ANKIB1: variants seen among roughly 807,000 people sequenced by gnomAD.
ANKIB1 encodes the protein ankyrin repeat and IBR domain containing 1.
ANKIB1 carries 43 observed loss-of-function variants against 122.1 expected under a neutral mutation model. That is an observed-to-expected ratio of 0.35 (90% confidence interval 0.28 to 0.45). The LOEUF (loss-of-function observed/expected upper bound fraction) is 0.45, where lower values mean the gene tolerates loss of function less well. Ranked by LOEUF, ANKIB1 falls within the 20% of genes least tolerant of loss-of-function variation. ANKIB1 has a pLI of 1.00. For synonymous variants in ANKIB1, 390 were observed against 442.0 expected (o/e 0.88, Z 1.48); for missense variants, 992 against 1,329.5 (o/e 0.75, Z 3.95).
intron 4 of ANKIB1, among the ~76,000 whole-genome samples, chr7:92,322,088 CT>C (rs1802924681): frequency 6.6e-6 from 1 of 152,154 alleles, no homozygotes; most frequent in Non-Finnish European, 1.5e-5. Context: ...ATATTGCCTC[CT>C]TTTTGACAAT....
Position 92,352,662 on chromosome 7 carries a change from G to A in ANKIB1, c.1397+20G>A. On this transcript the variant is annotated intron_variant, in intron 9 of 19. Coordinates refer to ENST00000265742, the MANE Select transcript of ANKIB1 (RefSeq NM_019004.2). Reference sequence around the variant, plus strand: ...CTGCTGGTTAGTATAAGACAAGTTGGAATCAGCCTAATCACCTTTCTTTCC... The same window carrying A: ...CTGCTGGTTAGTATAAGACAAGTTGAAATCAGCCTAATCACCTTTCTTTCC... 1 of 1,583,568 alleles carries A rather than the reference G, an allele frequency of 6.3e-7. No homozygotes were observed. Among genetic ancestry groups the A allele is most frequent in the Non-Finnish European group, 8.5e-7 (1 of 1,170,134 alleles).
intron 11 of ANKIB1, among the ~76,000 whole-genome samples, chr7:92,374,821 CA>C (rs2115652640): frequency 6.7e-6 from 1 of 149,234 alleles, no homozygotes; most frequent in African/African-American, 2.5e-5. Context: ...TAAATAAATC[CA>C]AAAAGTGATT....
intron 6 of ANKIB1, 130 bp from the exon 7 acceptor site, chr7:92,344,848 G>C: frequency 3.2e-6 from 2 of 629,398 alleles, no homozygotes; most frequent in Non-Finnish European, 5.5e-6. Flanking sequence ...TTAAAACTTT[G>C]AAAGAGGTAA....
intron 1 of ANKIB1, among the ~76,000 whole-genome samples, chr7:92,282,681 G>A: frequency 6.6e-6 from 1 of 152,192 alleles, no homozygotes; most frequent in South Asian, 2.1e-4. Flanking sequence ...TTCAGTCACT[G>A]TATAAAATCC....
At chr7:92,253,410 G>A (rs1031028371) in intron 1 of ANKIB1, among the ~76,000 whole-genome samples, 1 of 152,148 alleles carries the variant, frequency 6.6e-6, no homozygotes, top group Non-Finnish European at 1.5e-5. Context: ...CCTTCACTGG[G>A]CCTATGACTC....
At chr7:92,391,062 A>T in intron 15 of ANKIB1, 104 bp from the exon 16 acceptor site, 1 of 912,146 alleles carries the variant, frequency 1.1e-6, no homozygotes, top group Non-Finnish European at 1.5e-6. Flanking sequence ...CTAGTTTCTT[A>T]CTTCAAAAGA....
intron 9 of ANKIB1, among the ~76,000 whole-genome samples, chr7:92,353,908 T>C (rs1333822764): frequency 1.3e-5 from 2 of 152,150 alleles, no homozygotes; most frequent in East Asian, 1.9e-4. Flanking sequence ...AGAGGATTAG[T>C]TGGAGAAGCT....
chr7:92,298,951 A>T (rs1020379617), intron 2 of ANKIB1, among the ~76,000 whole-genome samples: 2 of 152,190 alleles, frequency 1.3e-5, no homozygotes, highest in Non-Finnish European at 2.9e-5. Flanking sequence ...GAGGAAGCAC[A>T]CCTGTGCTGT....
intron 9 of ANKIB1, among the ~76,000 whole-genome samples, chr7:92,358,189 CAG>C (rs1402795959): frequency 2.6e-5 from 4 of 152,146 alleles, no homozygotes; most frequent in Non-Finnish European, 4.4e-5. Context: ...TTACAGTGAG[CAG>C]AGATCGTGCC....
chr7:92,337,654 T>C (rs1453079809), intron 5 of ANKIB1, among the ~76,000 whole-genome samples: 1 of 152,172 alleles, frequency 6.6e-6, no homozygotes, highest in African/African-American at 2.4e-5. Context: ...AACTTAACTT[T>C]CAGGATTCTC....
At chr7:92,387,612 G>A (rs1220985563) in intron 12 of ANKIB1, among the ~76,000 whole-genome samples, 186 bp from the exon 13 acceptor site, 1 of 151,696 alleles carries the variant, frequency 6.6e-6, no homozygotes, top group Non-Finnish European at 1.5e-5. Flanking sequence ...CTCCAGCCTG[G>A]GAGACACAGC....
At chr7:92,383,181 A>G (rs1342585610) in intron 11 of ANKIB1, among the ~76,000 whole-genome samples, 2 of 152,214 alleles carry the variant, frequency 1.3e-5, no homozygotes, top group South Asian at 2.1e-4. Flanking sequence ...CCCTCCCAAG[A>G]CTAAACCAGG....
At chr7:92,294,407 A>C (rs1358992035) in intron 1 of ANKIB1, 1 of 152,592 alleles carries the variant, frequency 6.6e-6, no homozygotes, top group Non-Finnish European at 1.5e-5. Flanking sequence ...TGATGTCCTC[A>C]TAAAGTACTG....
chr7:92,371,782 A>C (rs1562795479), intron 11 of ANKIB1, among the ~76,000 whole-genome samples, 175 bp downstream of exon 11: 1 of 152,162 alleles, frequency 6.6e-6, no homozygotes, highest in Non-Finnish European at 1.5e-5. Context: ...GTTCAAGACC[A>C]GCCTGGGCAA....
chr7:92,371,950 G>GGTGTGTGTGTGTGTGTGTGTGT, intron 11 of ANKIB1, among the ~76,000 whole-genome samples: 1 of 118,148 alleles, frequency 8.5e-6, no homozygotes, highest in Non-Finnish European at 1.7e-5. Context: ...TTGAGAGAGG[G>GGTGTGTGTGTGTGTGTGTGTGT]GTGTGTGTGT....
In ANKIB1 at chr7:92,362,241, T is replaced by C; in HGVS notation, c.1454T>C (p.Leu485Pro). ...PCDCQTWKNW[L>P]QKITEMKPEE... ...GACTGCCAAACATGGAAGAATTGGC[T>C]GCAAAAAATAACCGAAATGAAACCA... The change falls in exon 10 of 20, where the codon CTG becomes CCG. Residue 485 changes from leucine to proline, a missense_variant. Transcript: ENST00000265742. 6.3e-7 allele frequency: 1 copy of C among 1,598,830 alleles called. No individual in the cohort carries two copies. The highest frequency in any genetic ancestry group is 1.1e-5 in the South Asian group (1 of 87,822).
At chr7:92,360,470 C>T (rs952445377) in intron 9 of ANKIB1, among the ~76,000 whole-genome samples, 1 of 152,040 alleles carries the variant, frequency 6.6e-6, no homozygotes, top group African/African-American at 2.4e-5. Context: ...GTGTATACTG[C>T]ACAATTTGTT....
chr7:92,265,660 C>T (rs747045998), intron 1 of ANKIB1, among the ~76,000 whole-genome samples: 1 of 152,140 alleles, frequency 6.6e-6, no homozygotes, highest in African/African-American at 2.4e-5. Flanking sequence ...TGAAGGTGAC[C>T]TGAGCTGGGA....
intron 11 of ANKIB1, among the ~76,000 whole-genome samples, chr7:92,385,037 A>T (rs868863022): frequency 6.6e-6 from 1 of 152,210 alleles, no homozygotes; most frequent in Non-Finnish European, 1.5e-5. Context: ...ACCAATTTAC[A>T]AGAAAAAAAC....
Sources: gnomAD v4.1 joint callset for allele counts (sites outside exome capture counted in the v4.1 genomes callset) on GRCh38, gnomAD v4.1.1 for gene constraint, MANE v1.5 for transcripts, NCBI Gene and HGNC (gene_info 2026-07-23, HGNC 2026-07-21) for gene names.